CPS1: variants seen among roughly 807,000 people sequenced by gnomAD.
The protein encoded by CPS1 is carbamoyl-phosphate synthase 1.
A neutral mutation model predicts 174.6 loss-of-function variants in CPS1; 109 were observed. That is an observed-to-expected ratio of 0.62 (90% CI 0.53 to 0.73). The LOEUF (loss-of-function observed/expected upper bound fraction) is 0.73. Ranked by LOEUF, CPS1 falls within the 30% of genes least tolerant of loss-of-function variation. CPS1 has a pLI of 0.00. For missense variants in CPS1, 1,689 were observed against 1,821.9 expected (o/e 0.93, Z 1.33); for synonymous variants, 637 against 632.0 (o/e 1.01, Z -0.12).
At chr2:210,481,457 C>A (rs1037068456) in intron 1 of CPS1, among the ~76,000 whole-genome samples, 2 of 152,154 alleles carry the variant, frequency 1.3e-5, no homozygotes, top group African/African-American at 4.8e-5. Flanking sequence ...ATTGTTTTTG[C>A]TTCCATCCCA....
chr2:210,543,039 A>G (rs757836896), intron 1 of CPS1, among the ~76,000 whole-genome samples: 1 of 152,076 alleles, frequency 6.6e-6, no homozygotes, highest in African/African-American at 2.4e-5. Flanking sequence ...ACACTCCTTA[A>G]TCGGGGTTAG....
chr2:210,610,259 A>G lies in CPS1; in HGVS notation c.2391+1700A>G, dbSNP rs182148010. Among the ~76,000 whole-genome samples, 1,167 of 152,004 alleles carry G rather than the reference A, an allele frequency of 7.7e-3. 20 individuals carry two copies. The highest frequency in any genetic ancestry group is 0.026 in the African/African-American group (1,095 of 41,502). On this transcript the variant is annotated intron_variant, in intron 19 of 37. Coordinates refer to ENST00000233072, the MANE Select transcript of CPS1 (RefSeq NM_001875.5). ...AAGGAACTTGAGAAAATTATGTAAT[A>G]TTTTCATTTGGGGCTTCTTATCTGA...
rs397987630 is a variant in CPS1, at chr2:210,639,618, CAAAAAAAAAAAA to C, written c.2896-363_2896-352del. 7.2e-3 allele frequency among the ~76,000 whole-genome samples: 231 copies of C among 32,052 alleles called. 2 individuals are homozygous for C. Among genetic ancestry groups the C allele is most frequent in the Non-Finnish European group, 0.012 (171 of 14,554 alleles). The allele number at this position is 32,052 out of a possible 152,430, so 21.0% of individuals were successfully genotyped here. A position where few individuals can be genotyped will look rare whatever the true frequency, so the allele number is the denominator to read the frequency against. ...TGGGCGACAGAGCGAGACTCCGTCT[CAAAAAAAAAAAA>C]AAAAAAAAAAAAAAGGCATCATGTG... On this transcript the variant is annotated intron_variant, in intron 23 of 37. Transcript: ENST00000233072.
In CPS1 at chr2:210,605,211, A is replaced by T. The variant is rs1000177577; in HGVS notation, c.1946A>T (p.Asn649Ile). Residue 649 changes from asparagine (N) to isoleucine (I), a missense_variant, in exon 17 of 38, where the codon AAC becomes ATC. Asn to Ile is a moderately radical substitution (Grantham distance 149). Transcript: ENST00000233072. The part of the protein sequence containing the change: ...DADDNCVTVC[N>I]MENVDAMGVH... ...GATGACAATTGTGTCACTGTCTGTA[A>T]CATGGAAAATGTTGATGCCATGGGT... 5.6e-6 allele frequency: 9 copies of T among 1,612,266 alleles called. No individual in the cohort carries two copies. Among genetic ancestry groups the T allele is most frequent in the Non-Finnish European group, 7.6e-6 (9 of 1,178,806 alleles).
At chr2:210,660,705 A>G in intron 32 of CPS1, 50 bp downstream of exon 32, 7 of 1,542,130 alleles carry the variant, frequency 4.5e-6, no homozygotes, top group Non-Finnish European at 5.4e-6. Flanking sequence ...TAGTGAAATT[A>G]AAAGAACAAT....
chr2:210,662,847 A>G (rs1399924220), intron 32 of CPS1, among the ~76,000 whole-genome samples: 1 of 152,222 alleles, frequency 6.6e-6, no homozygotes, highest in Non-Finnish European at 1.5e-5. Context: ...GCCAGATTAG[A>G]AACACTGGTC....
At chr2:210,512,711 G>A in intron 1 of CPS1, among the ~76,000 whole-genome samples, 1 of 111,430 alleles carries the variant, frequency 9.0e-6, no homozygotes, top group Non-Finnish European at 1.9e-5. Flanking sequence ...TTTTCTTTTG[G>A]ATACATACAT....
intron 23 of CPS1, 71 bp downstream of exon 23, chr2:210,639,286 A>AT: frequency 8.3e-7 from 1 of 1,209,096 alleles, no homozygotes; most frequent in Non-Finnish European, 1.2e-6. Flanking sequence ...GGGAATATAT[A>AT]TTTTTTACCT....
At chr2:210,511,387 TG>T (rs1029581404) in intron 1 of CPS1, among the ~76,000 whole-genome samples, 5 of 151,248 alleles carry the variant, frequency 3.3e-5, no homozygotes, top group Non-Finnish European at 7.4e-5. Context: ...TGTTGTGGGG[TG>T]GGGGTAGCGG....
rs1271223720 is a variant in CPS1, at chr2:210,646,432, G to T, written c.3142-1431G>T. Among the ~76,000 whole-genome samples the T allele has an allele frequency of 2.6e-5, 4 of 152,216 alleles. No individual in the cohort carries two copies. In the East Asian group the frequency reaches 7.7e-4, roughly 29 times the overall value. ...ATGCCTTTAAGCACTCAATTGCAGG[G>T]TGTTTGTTTAGTTACACAGTACCGT... On this transcript the variant is annotated intron_variant, in intron 25 of 37. Transcript: ENST00000233072.
In CPS1 at chr2:210,637,710, T is replaced by C. The variant is rs201340295; in HGVS notation, c.2696T>C (p.Met899Thr). The change falls in exon 22 of 38, where the codon ATG (methionine) becomes ACG (threonine). Residue 899 changes from methionine to threonine, a missense_variant. By Grantham distance (81) the Met-to-Thr change is moderately conservative (BLOSUM62 -1). Transcript: ENST00000233072. ...KTLKGLNSES[M>T]TEETLKRAKE... ...TTTCTATTAAATCCTAGTGAGTCCA[T>C]GACAGAAGAAACCCTGAAAAGGGCA... 32 of 1,613,880 alleles carry C rather than the reference T, an allele frequency of 2.0e-5. No individual in the cohort carries two copies. In the African/African-American group the frequency reaches 3.2e-4, roughly 16 times the overall value.
At chr2:210,510,365 A>G (rs1356259514) in intron 1 of CPS1, among the ~76,000 whole-genome samples, 1 of 152,212 alleles carries the variant, frequency 6.6e-6, no homozygotes, top group South Asian at 2.1e-4. Context: ...TACACCTTAT[A>G]CAAAAATTAA....
chr2:210,617,093 A>T (rs566136712), intron 21 of CPS1, among the ~76,000 whole-genome samples: 1 of 152,030 alleles, frequency 6.6e-6, no homozygotes, highest in East Asian at 1.9e-4. Flanking sequence ...ACTAATTTAC[A>T]TTTTTATCTC....
At chr2:210,614,020 G>C (rs1430961196) in intron 20 of CPS1, among the ~76,000 whole-genome samples, 1 of 151,918 alleles carries the variant, frequency 6.6e-6, no homozygotes, top group Non-Finnish European at 1.5e-5. Flanking sequence ...GCTTTCATGA[G>C]TCTTAGAAAG....
rs1698752332 is a variant in CPS1, at chr2:210,602,256, T to C, written c.1762T>C (p.Ser588Pro). The change falls in exon 16 of 38, where the codon TCC becomes CCC. Residue 588 changes from serine to proline, a missense_variant. Coordinates refer to ENST00000233072, the MANE Select transcript of CPS1 (RefSeq NM_001875.5). ...DTIGYPVMIR[S>P]AYALGGLGSG... ...CATTGGCTACCCAGTGATGATCCGT[T>C]CCGCCTATGCACTGGGTGGGTTAGG... The C allele has an allele frequency of 6.2e-7, 1 of 1,612,560 alleles. No individual in the cohort carries two copies. Among genetic ancestry groups the C allele is most frequent in the African/African-American group, 1.3e-5 (1 of 74,902 alleles).
At chr2:210,589,958 G>A in intron 7 of CPS1, 148 bp from the exon 8 acceptor site, 1 of 1,053,850 alleles carries the variant, frequency 9.5e-7, no homozygotes, top group South Asian at 1.4e-5. Context: ...CGGCCCCAAA[G>A]AAATTTTTGC....
chr2:210,637,609 TAAG>T (rs1461957875), intron 21 of CPS1, 90 bp from the exon 22 acceptor site: 13 of 1,305,544 alleles, frequency 1.0e-5, no homozygotes, highest in Middle Eastern at 5.1e-4. Flanking sequence ...AGGTGGAAAA[TAAG>T]AAGCCCTTGG....
chr2:210,496,325 A>G (rs1036388329), intron 1 of CPS1, among the ~76,000 whole-genome samples: 4 of 152,098 alleles, frequency 2.6e-5, no homozygotes, highest in Non-Finnish European at 4.4e-5. Context: ...TTGTTCTCCT[A>G]TCTCTCAGAT....
intron 25 of CPS1, 99 bp from the exon 26 acceptor site, chr2:210,647,764 G>T: frequency 7.1e-7 from 1 of 1,404,284 alleles, no homozygotes; most frequent in East Asian, 2.3e-5. Context: ...TCACAGTCAG[G>T]TTAAGAATTA....
Sources: allele counts gnomAD v4.1 joint callset (sites outside exome capture counted in the v4.1 genomes callset), GRCh38; gene constraint gnomAD v4.1.1; transcripts MANE v1.5; gene names NCBI Gene and HGNC (gene_info 2026-07-23, HGNC 2026-07-21).